ADAMTS3: variants seen among roughly 807,000 people sequenced by gnomAD.
The protein encoded by ADAMTS3 is A disintegrin and metalloproteinase with thrombospondin motifs 3.
In ADAMTS3, 73 loss-of-function variants were observed where a neutral mutation model predicts 129.0. The observed-to-expected ratio is 0.57, with a 90% CI of 0.47 to 0.69. The LOEUF is 0.69. Among genes scored for constraint, ADAMTS3 ranks in the 30% least tolerant of loss-of-function variants. The probability of loss-of-function intolerance (pLI) is 0.00; values close to 1 mark genes in which losing one functional copy is unlikely to be tolerated. For synonymous variants in ADAMTS3, 477 were observed against 510.8 expected (o/e 0.93, Z 0.89); for missense variants, 1,457 against 1,514.5 (o/e 0.96, Z 0.63).
intron 3 of ADAMTS3, among the ~76,000 whole-genome samples, chr4:72,459,232 G>A (rs957348361): frequency 2.0e-5 from 3 of 151,534 alleles, no homozygotes; most frequent in Non-Finnish European, 4.4e-5. Context: ...GAAGCTTAGA[G>A]CAAATCAGTT....
intron 4 of ADAMTS3, among the ~76,000 whole-genome samples, chr4:72,388,641 G>C (rs1721506563): frequency 6.6e-6 from 1 of 152,162 alleles, no homozygotes; most frequent in Admixed American, 6.5e-5. Flanking sequence ...GTTTGGGGGA[G>C]CTCTTTGCTG....
chr4:72,318,806 T>C, intron 9 of ADAMTS3, 102 bp from the exon 10 acceptor site: 1 of 1,223,212 alleles, frequency 8.2e-7, no homozygotes. Context: ...TAGAATTTCA[T>C]CCCAGATCAT....
intron 3 of ADAMTS3, among the ~76,000 whole-genome samples, chr4:72,472,927 A>G (rs1406830053): frequency 6.6e-6 from 1 of 152,210 alleles, no homozygotes; most frequent in Non-Finnish European, 1.5e-5. Flanking sequence ...AGTATGAGTG[A>G]AAGAGAAATT....
intron 4 of ADAMTS3, among the ~76,000 whole-genome samples, chr4:72,392,123 C>A (rs1255557496): frequency 1.3e-5 from 2 of 152,100 alleles, no homozygotes; most frequent in African/African-American, 4.8e-5. Flanking sequence ...AGAGAAGTGA[C>A]CCCTTAGACC....
Position 72,569,003 on chromosome 4 carries a change from T to C in ADAMTS3, c.-241A>G. ...CACCCCGTCCTCCCAACACAGAGTG[T>C]GCAGGAGCGAGAAGGTGCTGTAAGC... is the stretch of plus-strand genomic sequence containing the variant. On this transcript the variant is annotated 5_prime_UTR_variant, in exon 1 of 22. Coordinates refer to ENST00000286657, the MANE Select transcript of ADAMTS3 (RefSeq NM_014243.3). 1.8e-6 allele frequency: 1 copy of C among 566,354 alleles called. No individual in the cohort carries two copies. Among genetic ancestry groups the C allele is most frequent in the Non-Finnish European group, 3.1e-6 (1 of 317,744 alleles). The allele number at this position is 566,354 out of a possible 1,614,324, so 35.1% of individuals were successfully genotyped here.
intron 4 of ADAMTS3, among the ~76,000 whole-genome samples, chr4:72,383,675 T>C (rs1721360443): frequency 6.6e-6 from 1 of 152,164 alleles, no homozygotes. Context: ...AGCCACAGTG[T>C]CGGTCTAAAA....
intron 3 of ADAMTS3, among the ~76,000 whole-genome samples, chr4:72,468,499 T>C (rs960399078): frequency 6.6e-6 from 1 of 152,050 alleles, no homozygotes; most frequent in Non-Finnish European, 1.5e-5. Context: ...CACATGGTAA[T>C]TACATAAATA....
intron 2 of ADAMTS3, among the ~76,000 whole-genome samples, chr4:72,551,280 C>T (rs953009960): frequency 7.2e-5 from 11 of 152,108 alleles, no homozygotes; most frequent in East Asian, 1.9e-4. Flanking sequence ...TTTAGAAAAA[C>T]GCAGGGAGCC....
intron 4 of ADAMTS3, among the ~76,000 whole-genome samples, chr4:72,356,974 A>T (rs184292212): frequency 1.1e-4 from 16 of 152,032 alleles, no homozygotes; most frequent in African/African-American, 3.6e-4. Flanking sequence ...CCAATTTTTT[A>T]AAATGTTCTT....
chr4:72,298,505 T>A lies in ADAMTS3; in HGVS notation c.2425-63A>T. ...GGGTTTTAAATTTTGAGTGTAAAATTACAAATATTTCAGAATATTGCTCTT... is the reference window on the plus strand; with the variant it reads ...GGGTTTTAAATTTTGAGTGTAAAATAACAAATATTTCAGAATATTGCTCTT... On this transcript the variant is annotated intron_variant, in intron 17 of 21. Coordinates refer to ENST00000286657, the MANE Select transcript of ADAMTS3 (RefSeq NM_014243.3). The A allele has an allele frequency of 4.6e-6, 6 of 1,296,946 alleles. 1 individual carries two copies. In the South Asian group the frequency reaches 1.0e-4, roughly 22 times the overall value. The allele number at this position is 1,296,946 out of a possible 1,614,324, so 80.3% of individuals were successfully genotyped here. A position where few individuals can be genotyped will look rare whatever the true frequency, so the allele number is the denominator to read the frequency against.
At chr4:72,335,122 G>C (rs947747381) in intron 5 of ADAMTS3, among the ~76,000 whole-genome samples, 1 of 152,168 alleles carries the variant, frequency 6.6e-6, no homozygotes, top group Admixed American at 6.5e-5. Flanking sequence ...ATTAAGGTTA[G>C]TGATGAAATC....
intron 4 of ADAMTS3, among the ~76,000 whole-genome samples, chr4:72,360,507 C>T (rs1720693391): frequency 6.6e-6 from 1 of 151,200 alleles, no homozygotes; most frequent in Admixed American, 6.6e-5. Flanking sequence ...AGTAAAGACA[C>T]TTTTTATGAG....
chr4:72,436,012 T>C (rs1717901055), intron 3 of ADAMTS3, among the ~76,000 whole-genome samples: 1 of 151,980 alleles, frequency 6.6e-6, no homozygotes, highest in South Asian at 2.1e-4. Context: ...TGGGATCTAA[T>C]TAAACTAAAG....
chr4:72,476,109 A>T (rs1719224764), intron 3 of ADAMTS3, among the ~76,000 whole-genome samples: 1 of 152,014 alleles, frequency 6.6e-6, no homozygotes, highest in Non-Finnish European at 1.5e-5. Flanking sequence ...AGAAAGAAGT[A>T]AATAAGTAAA....
chr4:72,291,179 C>T (rs1718653204), intron 19 of ADAMTS3, 117 bp from the exon 20 acceptor site: 1 of 1,012,630 alleles, frequency 9.9e-7, no homozygotes, highest in Admixed American at 2.5e-5. Context: ...AGTGGGCACA[C>T]TGCAGTTCAG....
intron 4 of ADAMTS3, among the ~76,000 whole-genome samples, chr4:72,379,350 A>G (rs1329592306): frequency 6.6e-6 from 1 of 151,952 alleles, no homozygotes; most frequent in Non-Finnish European, 1.5e-5. Flanking sequence ...GTTGAGACAC[A>G]TCTCTTCTTG....
intron 3 of ADAMTS3, among the ~76,000 whole-genome samples, chr4:72,499,857 ATAAG>A (rs1560539453): frequency 6.6e-6 from 1 of 152,100 alleles, no homozygotes; most frequent in African/African-American, 2.4e-5. Context: ...GGTCACCCTT[ATAAG>A]TAAGAACATG....
At chr4:72,554,713 C>T (rs1258558000) in intron 2 of ADAMTS3, among the ~76,000 whole-genome samples, 1 of 151,806 alleles carries the variant, frequency 6.6e-6, no homozygotes, top group African/African-American at 2.4e-5. Flanking sequence ...ATCTCATCAC[C>T]TCACACTGAA....
At chr4:72,504,280 T>C (rs1195590093) in intron 3 of ADAMTS3, among the ~76,000 whole-genome samples, 2 of 152,182 alleles carry the variant, frequency 1.3e-5, no homozygotes, top group Non-Finnish European at 2.9e-5. Flanking sequence ...TAAATTCCCT[T>C]GGTACTTGCT....
Sources: allele counts gnomAD v4.1 joint callset (sites outside exome capture counted in the v4.1 genomes callset), GRCh38; gene constraint gnomAD v4.1.1; transcripts MANE v1.5; gene names NCBI Gene and HGNC (gene_info 2026-07-23, HGNC 2026-07-21).